The following ROBO1 variants were observed in gnomAD, a reference collection of about 807,000 sequenced individuals.
ROBO1 encodes the protein roundabout homolog 1.
Under a neutral mutation model 195.9 loss-of-function variants are expected in ROBO1, and 149 were observed. That is an observed-to-expected ratio of 0.76 (90% CI 0.67 to 0.87). The LOEUF (loss-of-function observed/expected upper bound fraction) is 0.87. ROBO1 is among the 40% of genes least tolerant of loss of function. The probability of loss-of-function intolerance (pLI) is 0.00; values close to 1 mark genes in which losing one functional copy is unlikely to be tolerated. For missense variants in ROBO1, 1,933 were observed against 2,068.3 expected, an observed-to-expected ratio of 0.93 and a Z score of 1.27; for synonymous variants, 816 against 733.2, an observed-to-expected ratio of 1.11 and a Z score of -1.82.
intron 2 of ROBO1, among the ~76,000 whole-genome samples, chr3:79,523,030 A>G (rs1197690284): frequency 6.6e-6 from 1 of 152,184 alleles, no homozygotes; most frequent in African/African-American, 2.4e-5. Context: ...TGTGCTTTAC[A>G]ATCAGATGAC....
intron 3 of ROBO1, among the ~76,000 whole-genome samples, chr3:79,121,062 T>C (rs1325022499): frequency 1.3e-5 from 2 of 152,138 alleles, no homozygotes; most frequent in African/African-American, 4.8e-5. Flanking sequence ...ACTATTTATC[T>C]TTTAGAATAT....
At chr3:78,826,601 T>C (rs2031631222) in intron 4 of ROBO1, among the ~76,000 whole-genome samples, 2 of 152,140 alleles carry the variant, frequency 1.3e-5, no homozygotes, top group Admixed American at 6.5e-5. Flanking sequence ...AAATTGACCA[T>C]GGAGGCTATT....
At chr3:79,102,908 G>T (rs578255656) in intron 3 of ROBO1, among the ~76,000 whole-genome samples, 1 of 151,900 alleles carries the variant, frequency 6.6e-6, no homozygotes, top group South Asian at 2.1e-4. Flanking sequence ...ACTAGATTAT[G>T]TATAGAATTG....
chr3:79,392,203 C>T (rs7611676), intron 2 of ROBO1, among the ~76,000 whole-genome samples: 5,221 of 152,272 alleles, frequency 0.034, 199 homozygotes, highest in African/African-American at 0.098. Context: ...ACATACCTGC[C>T]AACAACTGAA....
chr3:78,926,870 T>C (rs916116618), intron 4 of ROBO1, among the ~76,000 whole-genome samples: 12 of 152,316 alleles, frequency 7.9e-5, no homozygotes, highest in African/African-American at 2.9e-4. Flanking sequence ...CTATATGGCC[T>C]ATCTCAGGCA....
intron 3 of ROBO1, among the ~76,000 whole-genome samples, chr3:79,117,466 T>C (rs973464295): frequency 1.3e-5 from 2 of 152,140 alleles, no homozygotes; most frequent in African/African-American, 4.8e-5. Context: ...CAGAATCCTG[T>C]GTCAAGATGG....
intron 2 of ROBO1, among the ~76,000 whole-genome samples, chr3:79,468,792 C>T (rs1308650805): frequency 6.6e-6 from 1 of 152,062 alleles, no homozygotes; most frequent in Admixed American, 6.6e-5. Context: ...CAGTCTTTCA[C>T]TGATTGCTTA....
chr3:79,204,554 A>G (rs1254358349), intron 2 of ROBO1, among the ~76,000 whole-genome samples: 1 of 152,058 alleles, frequency 6.6e-6, no homozygotes, highest in Non-Finnish European at 1.5e-5. Context: ...TTTTTCCGAG[A>G]CATGCTTTGT....
chr3:78,976,862 C>T (rs1576500212), intron 3 of ROBO1, among the ~76,000 whole-genome samples: 1 of 152,266 alleles, frequency 6.6e-6, no homozygotes, highest in East Asian at 1.9e-4. Flanking sequence ...TCCAAAACGT[C>T]TTTAAAGACC....
At chr3:78,963,478 C>T (rs1290536396) in intron 3 of ROBO1, among the ~76,000 whole-genome samples, 2 of 128,536 alleles carry the variant, frequency 1.6e-5, no homozygotes, top group Non-Finnish European at 3.2e-5. Flanking sequence ...AGAGAAGATC[C>T]AGAGGAAAAC....
intron 2 of ROBO1, among the ~76,000 whole-genome samples, chr3:79,343,550 C>T (rs2034992457): frequency 6.6e-6 from 1 of 152,126 alleles, no homozygotes; most frequent in South Asian, 2.1e-4. Context: ...AAACAAAAGC[C>T]TTCACAGAAA....
intron 4 of ROBO1, among the ~76,000 whole-genome samples, chr3:78,858,430 T>C (rs960495966): frequency 6.6e-6 from 1 of 151,788 alleles, no homozygotes; most frequent in Non-Finnish European, 1.5e-5. Flanking sequence ...TGCAGATCCT[T>C]AGAAAGTGGA....
At chr3:78,604,728 A>C (rs1008151341) in intron 29 of ROBO1, among the ~76,000 whole-genome samples, 3 of 152,140 alleles carry the variant, frequency 2.0e-5, no homozygotes, top group African/African-American at 7.2e-5. Context: ...AAGTTAGCTA[A>C]TGACCAGATG....
At chr3:79,321,182 G>A (rs1425955954) in intron 2 of ROBO1, among the ~76,000 whole-genome samples, 1 of 151,890 alleles carries the variant, frequency 6.6e-6, no homozygotes, top group Non-Finnish European at 1.5e-5. Context: ...AATAAATGCA[G>A]CTTTTTTTTT....
At chr3:78,850,079 T>C (rs2033955714) in intron 4 of ROBO1, among the ~76,000 whole-genome samples, 1 of 152,162 alleles carries the variant, frequency 6.6e-6, no homozygotes, top group African/African-American at 2.4e-5. Flanking sequence ...GAGCAACAGG[T>C]CATATCATAA....
At chr3:78,769,348 T>C (rs938593796) in intron 4 of ROBO1, among the ~76,000 whole-genome samples, 3 of 152,222 alleles carry the variant, frequency 2.0e-5, no homozygotes, top group Non-Finnish European at 2.9e-5. Context: ...ACTGTTGCTT[T>C]AAAGTTTGTT....
At chr3:79,392,260 A>C (rs989986825) in intron 2 of ROBO1, among the ~76,000 whole-genome samples, 4 of 152,234 alleles carry the variant, frequency 2.6e-5, no homozygotes, top group Non-Finnish European at 1.5e-5. Flanking sequence ...AATAAGGTGG[A>C]CAACCAGACC....
chr3:78,708,823 C>G (rs930616757), intron 8 of ROBO1, among the ~76,000 whole-genome samples: 2 of 152,042 alleles, frequency 1.3e-5, no homozygotes, highest in African/African-American at 4.8e-5. Flanking sequence ...AAAGATGGAG[C>G]CATGATGCAA....
intron 2 of ROBO1, among the ~76,000 whole-genome samples, chr3:79,329,114 A>G (rs2034332221): frequency 6.6e-6 from 1 of 152,170 alleles, no homozygotes; most frequent in South Asian, 2.1e-4. Flanking sequence ...CTATTTCCTT[A>G]TTAGAAACAC....
Sources: gnomAD v4.1 joint callset for allele counts (sites outside exome capture counted in the v4.1 genomes callset) on GRCh38, gnomAD v4.1.1 for gene constraint, MANE v1.5 for transcripts, NCBI Gene and HGNC (gene_info 2026-07-23, HGNC 2026-07-21) for gene names.